OAS2: variants seen among roughly 807,000 people sequenced by gnomAD.
The protein encoded by OAS2 is 2'-5'-oligoadenylate synthetase 2.
A neutral mutation model predicts 71.3 loss-of-function variants in OAS2; 67 were observed. That is an observed-to-expected ratio of 0.94 (90% confidence interval 0.77 to 1.15). The LOEUF (loss-of-function observed/expected upper bound fraction) is 1.15, where lower values mean the gene tolerates loss of function less well. Among genes scored for constraint, OAS2 ranks in the 50% most tolerant of loss-of-function variants. OAS2 has a pLI of 0.00. For synonymous variants in OAS2, 327 were observed against 321.8 expected (o/e 1.02, Z -0.17); for missense variants, 789 against 822.5 (o/e 0.96, Z 0.50).
chr12:112,999,382 C>T (rs1252875130), intron 5 of OAS2, among the ~76,000 whole-genome samples: 3 of 152,216 alleles, frequency 2.0e-5, no homozygotes, highest in Non-Finnish European at 4.4e-5. Flanking sequence ...GGGAACCGCA[C>T]TGGAGACAAC....
At chr12:112,984,946 T>G (rs1293769) in intron 1 of OAS2, among the ~76,000 whole-genome samples, 62,615 of 112,268 alleles carry the variant, frequency 0.56, 13,678 homozygotes, top group East Asian at 0.84. Context: ...TCTGAAAGGG[T>G]TTTTTTTTAG....
chr12:112,979,208 G>A (rs1032501590), intron 1 of OAS2, among the ~76,000 whole-genome samples: 2 of 152,156 alleles, frequency 1.3e-5, no homozygotes, highest in Non-Finnish European at 2.9e-5. Flanking sequence ...TGGTTTCTCC[G>A]CAGCAAGAAG....
intron 1 of OAS2, among the ~76,000 whole-genome samples, chr12:112,980,814 G>A (rs953701409): frequency 6.6e-6 from 1 of 152,106 alleles, no homozygotes; most frequent in African/African-American, 2.4e-5. Flanking sequence ...CGTAATGACT[G>A]TGCTAATTTA....
At chr12:112,984,452 T>C (rs1329680125) in intron 1 of OAS2, among the ~76,000 whole-genome samples, 1 of 152,354 alleles carries the variant, frequency 6.6e-6, no homozygotes, top group Admixed American at 6.5e-5. Context: ...TCAGTCTATA[T>C]GTATCTTCAC....
intron 5 of OAS2, among the ~76,000 whole-genome samples, chr12:113,001,625 A>T (rs1167807177): frequency 6.6e-6 from 1 of 151,228 alleles, no homozygotes; most frequent in Admixed American, 6.6e-5. Flanking sequence ...CAAAGCCAAT[A>T]GCATAGCATC....
In OAS2 at chr12:113,010,404, A is replaced by G; in HGVS notation, c.*1149A>G. ...GCAGACACCAGGAAGTTGTGGAGCTAGGATCCATCCTATTGTCAATGAGAT... is the reference window on the plus strand; with the variant it reads ...GCAGACACCAGGAAGTTGTGGAGCTGGGATCCATCCTATTGTCAATGAGAT... On this transcript the variant is annotated 3_prime_UTR_variant, in exon 10 of 10. Transcript: ENST00000392583. The G allele has an allele frequency of 6.2e-7, 1 of 1,613,984 alleles. No individual in the cohort carries two copies. Among genetic ancestry groups the G allele is most frequent in the Non-Finnish European group, 8.5e-7 (1 of 1,179,932 alleles).
chr12:112,979,323 C>A (rs954840629), intron 1 of OAS2, among the ~76,000 whole-genome samples: 1 of 152,082 alleles, frequency 6.6e-6, no homozygotes, highest in Admixed American at 6.5e-5. Flanking sequence ...TGGGGAGATG[C>A]CAGGACCCTA....
chr12:112,984,113 G>A (rs2044108926), intron 1 of OAS2, among the ~76,000 whole-genome samples: 1 of 152,194 alleles, frequency 6.6e-6, no homozygotes. Flanking sequence ...AATACCAAAA[G>A]TGAGATGAAG....
chr12:113,005,918 C>CAACAA (rs1555229554), intron 7 of OAS2, among the ~76,000 whole-genome samples: 12 of 49,046 alleles, frequency 2.4e-4, no homozygotes, highest in South Asian at 8.1e-4. Flanking sequence ...ACAACAACAA[C>CAACAA]AAAAAAAAAA....
intron 2 of OAS2, among the ~76,000 whole-genome samples, chr12:112,991,497 T>A (rs771473544): frequency 7.3e-5 from 11 of 151,504 alleles, no homozygotes; most frequent in Non-Finnish European, 1.0e-4. Context: ...TCAATCAACA[T>A]ATGTAAGGTG....
At chr12:112,987,518 G>A (rs539245280) in intron 2 of OAS2, 2 of 1,417,018 alleles carry the variant, frequency 1.4e-6, no homozygotes, top group East Asian at 2.5e-5. Context: ...TGTCTTTGGA[G>A]AAAATGTTCT....
At chr12:113,000,327 T>C (rs1392612432) in intron 5 of OAS2, among the ~76,000 whole-genome samples, 6 of 152,212 alleles carry the variant, frequency 3.9e-5, no homozygotes, top group Admixed American at 6.5e-5. Context: ...TAAACCATCT[T>C]TTGATACTCA....
chr12:112,986,265 T>C (rs570772001), intron 1 of OAS2, among the ~76,000 whole-genome samples: 37 of 152,098 alleles, frequency 2.4e-4, no homozygotes, highest in African/African-American at 8.2e-4. Flanking sequence ...CCCCAGGCAG[T>C]GTATGTGGGT....
intron 1 of OAS2, among the ~76,000 whole-genome samples, chr12:112,984,662 G>T (rs1476391024): frequency 6.6e-6 from 1 of 152,006 alleles, no homozygotes; most frequent in Non-Finnish European, 1.5e-5. Context: ...TCTCTTTATT[G>T]CCTACCTTTC....
intron 2 of OAS2, 80 bp from the exon 3 acceptor site, chr12:112,995,216 G>T (rs2044223223): frequency 7.7e-7 from 1 of 1,305,690 alleles, no homozygotes; most frequent in Non-Finnish European, 1.1e-6. Context: ...AACTATAACT[G>T]ACCTTCATTG....
Position 112,978,820 on chromosome 12 carries a change from C to CAG in OAS2, c.177+36_177+37dup. 6.3e-7 allele frequency: 1 copy of CAG among 1,575,190 alleles called. No individual in the cohort carries two copies. The highest frequency in any genetic ancestry group is 8.6e-7 in the Non-Finnish European group (1 of 1,158,452). On this transcript the variant is annotated intron_variant, in intron 1 of 9. Transcript: ENST00000392583. This position sits in a 1 kb window ranked among gnomAD's most constrained non-coding sequence, Gnocchi z 4.2. ...GGGCTGAGGTTGGGTCTCTGGGAGG[C>CAG]AGGAGATTCCACGGCGGCAGCAAGG...
At chr12:112,986,306 T>C (rs1452566993) in intron 1 of OAS2, among the ~76,000 whole-genome samples, 1 of 152,014 alleles carries the variant, frequency 6.6e-6, no homozygotes, top group East Asian at 1.9e-4. Flanking sequence ...GTGGGCAGGG[T>C]ATCAGACTTC....
At chr12:112,986,091 A>G (rs1565990050) in intron 1 of OAS2, among the ~76,000 whole-genome samples, 1 of 152,240 alleles carries the variant, frequency 6.6e-6, no homozygotes, top group Non-Finnish European at 1.5e-5. Flanking sequence ...GAGCCTCCAC[A>G]TGATTTCATT....
intron 6 of OAS2, among the ~76,000 whole-genome samples, chr12:113,003,525 T>G (rs1342353239): frequency 6.6e-6 from 1 of 152,176 alleles, no homozygotes; most frequent in African/African-American, 2.4e-5. Context: ...AAGACCCTTT[T>G]TCCAAATAAG....
Sources: gnomAD v4.1 joint callset for allele counts (sites outside exome capture counted in the v4.1 genomes callset) on GRCh38, gnomAD v4.1.1 for gene constraint, Gnocchi (gnomAD v3.1) non-coding constraint, MANE v1.5 for transcripts, NCBI Gene and HGNC (gene_info 2026-07-23, HGNC 2026-07-21) for gene names.